Variants in CEP152 observed in about 807,000 individuals in gnomAD.
CEP152 encodes the protein centrosomal protein of 152 kDa.
A neutral mutation model predicts 188.9 loss-of-function variants in CEP152; 132 were observed. The observed-to-expected ratio is 0.70, with a 90% CI of 0.61 to 0.81. CEP152 has a LOEUF of 0.81. CEP152 is among the 30% of genes least tolerant of loss of function. The pLI is 0.00. For synonymous variants in CEP152, 649 were observed against 666.6 expected (o/e 0.97, Z 0.41); for missense variants, 1,914 against 1,969.8 (o/e 0.97, Z 0.54).
intron 19 of CEP152, among the ~76,000 whole-genome samples, chr15:48,756,772 CAT>C (rs770198648): frequency 3.3e-5 from 5 of 152,070 alleles, no homozygotes; most frequent in Admixed American, 6.6e-5. Flanking sequence ...TGTATAGACA[CAT>C]AAACACTCAC....
chr15:48,798,507 C>T (rs1043754011), intron 2 of CEP152, among the ~76,000 whole-genome samples: 1 of 150,956 alleles, frequency 6.6e-6, no homozygotes, highest in African/African-American at 2.4e-5. Context: ...AGAACAGCAG[C>T]AGCAGCAGGT....
intron 9 of CEP152, among the ~76,000 whole-genome samples, chr15:48,788,364 C>T (rs1245935600): frequency 7.2e-6 from 1 of 138,904 alleles, no homozygotes; most frequent in Non-Finnish European, 1.5e-5. Context: ...GACGGAGTCT[C>T]GCTCTGTCGC....
At chr15:48,796,551 C>T (rs1248900561) in intron 5 of CEP152, among the ~76,000 whole-genome samples, 2 of 152,088 alleles carry the variant, frequency 1.3e-5, no homozygotes, top group Non-Finnish European at 2.9e-5. Flanking sequence ...TATCCAATAA[C>T]ATGAACATGG....
chr15:48,751,548 A>G (rs1007790185), intron 21 of CEP152, among the ~76,000 whole-genome samples: 2 of 152,238 alleles, frequency 1.3e-5, no homozygotes, highest in African/African-American at 4.8e-5. Flanking sequence ...AAATGTGTGC[A>G]AACTGAGGTT....
At chr15:48,747,888 C>T (rs1329318352) in intron 22 of CEP152, among the ~76,000 whole-genome samples, 2 of 152,124 alleles carry the variant, frequency 1.3e-5, no homozygotes, top group Non-Finnish European at 2.9e-5. Flanking sequence ...GGAGGCCAGT[C>T]CAGACCCTCA....
intron 12 of CEP152, among the ~76,000 whole-genome samples, chr15:48,774,841 A>G (rs1895783093): frequency 6.6e-6 from 1 of 152,182 alleles, no homozygotes; most frequent in African/African-American, 2.4e-5. Flanking sequence ...ACTGTCACTA[A>G]AAGAGTTTTA....
intron 17 of CEP152, 46 bp downstream of exon 17, chr15:48,767,014 C>A (rs767261113): frequency 6.2e-7 from 1 of 1,607,800 alleles, no homozygotes; most frequent in Non-Finnish European, 8.5e-7. Context: ...AATACTGAGG[C>A]TTGAAGAGTG....
At chr15:48,809,402 C>G (rs1200691079) in intron 1 of CEP152, among the ~76,000 whole-genome samples, 3 of 152,032 alleles carry the variant, frequency 2.0e-5, no homozygotes, top group Admixed American at 2.0e-4. Flanking sequence ...TAAACAGTTA[C>G]AATAACATAT....
intron 24 of CEP152, among the ~76,000 whole-genome samples, chr15:48,742,915 G>C (rs901984932): frequency 6.6e-6 from 1 of 151,874 alleles, no homozygotes; most frequent in Non-Finnish European, 1.5e-5. Flanking sequence ...GTTAATGTCA[G>C]TAAGCATCTG....
Position 48,768,288 on chromosome 15 carries a change from T to G in CEP152, c.1949A>C (p.Gln650Pro). 1.2e-6 allele frequency: 2 copies of G among 1,611,242 alleles called. No homozygotes were observed. The highest frequency in any genetic ancestry group is 2.2e-5 in the South Asian group (2 of 91,004). The change falls in exon 15 of 27, where the codon CAA (glutamine) becomes CCA (proline). Residue 650 changes from glutamine to proline, a missense_variant. Coordinates refer to ENST00000380950, the MANE Select transcript of CEP152 (RefSeq NM_001194998.2). Reference protein sequence around the residue: ...ETEGKLRNTNQDLCNQMRQMV... With the variant: ...ETEGKLRNTNPDLCNQMRQMV... ...TTGTCTCATTTGATTACATAAGTCT[T>G]GATTTGTATTTCTCAGTTTTCCTTC...
At chr15:48,789,529 G>T (rs1022490598) in intron 8 of CEP152, among the ~76,000 whole-genome samples, 15 of 152,188 alleles carry the variant, frequency 9.9e-5, no homozygotes, top group African/African-American at 3.6e-4. Flanking sequence ...CAAAACCTGT[G>T]AATCAGTTAT....
intron 9 of CEP152, 128 bp downstream of exon 9, chr15:48,788,673 C>T (rs1234217238): frequency 5.2e-6 from 5 of 957,186 alleles, no homozygotes; most frequent in African/African-American, 4.8e-5. Flanking sequence ...GTTTCACTCA[C>T]CTCACACACA....
chr15:48,777,995 T>C (rs560847232), intron 12 of CEP152, among the ~76,000 whole-genome samples: 25 of 152,254 alleles, frequency 1.6e-4, no homozygotes, highest in African/African-American at 5.8e-4. Flanking sequence ...TTCTCCTAAA[T>C]CCAAATAAAC....
At chr15:48,785,822 A>G (rs549457968) in intron 9 of CEP152, among the ~76,000 whole-genome samples, 1 of 152,056 alleles carries the variant, frequency 6.6e-6, no homozygotes, top group East Asian at 1.9e-4. Flanking sequence ...ATATGGGCAG[A>G]CATTTTTCAA....
intron 18 of CEP152, 61 bp from the exon 19 acceptor site, chr15:48,760,327 T>A: frequency 6.3e-7 from 1 of 1,583,916 alleles, no homozygotes; most frequent in Non-Finnish European, 8.7e-7. Context: ...AAGATCCCAT[T>A]TTTAAACAGC....
Position 48,738,154 on chromosome 15 carries a change from C to A in CEP152, c.*95G>T. ...TATAACAGATGTTATTAAAACATCT[C>A]AAAAGAGGCAGGGCTCACAATTTTT... is the stretch of plus-strand genomic sequence containing the variant. On this transcript the variant is annotated 3_prime_UTR_variant, in exon 27 of 27. Coordinates refer to ENST00000380950, the MANE Select transcript of CEP152 (RefSeq NM_001194998.2). The A allele has an allele frequency of 7.8e-7, 1 of 1,288,078 alleles. No homozygotes were observed. The allele number at this position is 1,288,078 out of a possible 1,614,324, so 79.8% of individuals were successfully genotyped here.
At chr15:48,752,729 G>A (rs1054237469) in intron 20 of CEP152, among the ~76,000 whole-genome samples, 1 of 152,098 alleles carries the variant, frequency 6.6e-6, no homozygotes, top group Non-Finnish European at 1.5e-5. Flanking sequence ...CAGAAGATAT[G>A]GTTTGCACAT....
At chr15:48,760,886 A>T (rs1894635988) in intron 18 of CEP152, among the ~76,000 whole-genome samples, 1 of 152,146 alleles carries the variant, frequency 6.6e-6, no homozygotes, top group Admixed American at 6.5e-5. Flanking sequence ...AAATACACAC[A>T]GATATGCAGA....
chr15:48,759,503 T>G (rs1202779478), intron 19 of CEP152, among the ~76,000 whole-genome samples: 1 of 152,206 alleles, frequency 6.6e-6, no homozygotes, highest in African/African-American at 2.4e-5. Flanking sequence ...CTCAATACAG[T>G]CTGAGTTGTT....
Sources: allele counts gnomAD v4.1 joint callset (sites outside exome capture counted in the v4.1 genomes callset), GRCh38; gene constraint gnomAD v4.1.1; transcripts MANE v1.5; gene names NCBI Gene and HGNC (gene_info 2026-07-23, HGNC 2026-07-21).